SEC61A2: variants seen among roughly 807,000 people sequenced by gnomAD.
SEC61A2 encodes the protein protein transport protein Sec61 subunit alpha isoform 2.
SEC61A2 carries 28 observed loss-of-function variants against 59.9 expected under a neutral mutation model. The ratio of observed to expected loss-of-function variants is 0.47; its 90% CI spans 0.35 to 0.64. The LOEUF is 0.64. Ranked by LOEUF, SEC61A2 falls within the 30% of genes least tolerant of loss-of-function variation. The pLI is 0.01. For synonymous variants in SEC61A2, 202 were observed against 214.4 expected, an observed-to-expected ratio of 0.94 and a Z score of 0.50; for missense variants, 340 against 585.9, an observed-to-expected ratio of 0.58 and a Z score of 4.33.
chr10:12,151,025 T>G (rs561394491), intron 6 of SEC61A2, among the ~76,000 whole-genome samples: 1 of 151,816 alleles, frequency 6.6e-6, no homozygotes, highest in Non-Finnish European at 1.5e-5. Context: ...TTCGCCCGCC[T>G]CGGCCTCCCA....
At chr10:12,146,994 G>T (rs1454412352) in intron 4 of SEC61A2, among the ~76,000 whole-genome samples, 1 of 152,092 alleles carries the variant, frequency 6.6e-6, no homozygotes, top group Non-Finnish European at 1.5e-5. Context: ...TGGGCCAAGT[G>T]ATACTCCTGC....
rs1179271715 is a variant in SEC61A2 at position 12,156,383 on chromosome 10, C to T, written c.616+452C>T. Among the ~76,000 whole-genome samples, 1 of 152,200 alleles carries T rather than the reference C, an allele frequency of 6.6e-6. No homozygotes were observed. The highest frequency in any genetic ancestry group is 1.5e-5 in the Non-Finnish European group (1 of 68,026). ...CACCAAAGTTTTGAAATATTTCATT[C>T]TCTCTTTCCCCTTCCTCATCTCCAC... On this transcript the variant is annotated intron_variant, in intron 7 of 11. Coordinates refer to ENST00000298428, the MANE Select transcript of SEC61A2 (RefSeq NM_018144.4). The surrounding 1 kb of genome is among the most constrained non-coding windows in gnomAD (Gnocchi z 5.2).
At chr10:12,144,118 C>T (rs989429526) in intron 4 of SEC61A2, among the ~76,000 whole-genome samples, 10 of 152,082 alleles carry the variant, frequency 6.6e-5, no homozygotes, top group African/African-American at 2.4e-4. Context: ...CTGCACCCAG[C>T]CTGGACATAC....
At position 12,138,293 on chromosome 10, in the gene SEC61A2, G is replaced by GA. The variant is rs540544173; in HGVS notation, c.141+2131dup. 7.9e-5 allele frequency among the ~76,000 whole-genome samples: 12 copies of GA among 150,982 alleles called. No homozygotes were observed. In the East Asian group the frequency reaches 2.3e-3, roughly 29 times the overall value. The stretch of plus-strand genomic sequence containing the variant: ...TTAAAGAAACAAAGAAAAATACAAA[G>GA]AAAAAAAAGAATAGTCATCCATATT... On this transcript the variant is annotated intron_variant, in intron 3 of 11. Transcript: ENST00000298428.
chr10:12,138,123 T>G (rs1475892176), intron 3 of SEC61A2, among the ~76,000 whole-genome samples: 1 of 152,152 alleles, frequency 6.6e-6, no homozygotes, highest in Admixed American at 6.6e-5. Flanking sequence ...AAAATTATAT[T>G]AGGAAGCAGT....
At position 12,152,339 on chromosome 10, in the gene SEC61A2, C is replaced by G. The variant is rs901817524; in HGVS notation, c.462+2378C>G. Among the ~76,000 whole-genome samples, 1 of 152,098 alleles carries G rather than the reference C, an allele frequency of 6.6e-6. No individual in the cohort carries two copies. Among genetic ancestry groups the G allele is most frequent in the Non-Finnish European group, 1.5e-5 (1 of 68,004 alleles). On this transcript the variant is annotated intron_variant, in intron 6 of 11. Coordinates refer to ENST00000298428, the MANE Select transcript of SEC61A2 (RefSeq NM_018144.4). This position sits in a 1 kb window ranked among gnomAD's most constrained non-coding sequence, Gnocchi z 5.5. ...AGGTGATCCACCCGCCTCGGCCTTCCAAAATGCTGGGATTACAGGCGTGAG... is the reference window on the plus strand; with the variant it reads ...AGGTGATCCACCCGCCTCGGCCTTCGAAAATGCTGGGATTACAGGCGTGAG...
At chr10:12,167,903 T>C, downstream of SEC61A2, 1 of 1,558,672 alleles carries the variant, frequency 6.4e-7, no homozygotes. Context: ...GGTACTACTA[T>C]ATGTCACTTC....
Position 12,148,908 on chromosome 10 carries a change from C to T in SEC61A2, c.221-687C>T, listed in dbSNP as rs151148710. Among the ~76,000 whole-genome samples, 890 of 152,132 alleles carry T rather than the reference C, an allele frequency of 5.9e-3. 10 individuals are homozygous for T. The highest frequency in any genetic ancestry group is 0.02 in the African/African-American group (838 of 41,482). ...AGTATCTGAGACGACATCAAAAATCCCCCGTAAGGTGGACTATTTTCTCAT... is the reference window on the plus strand; with the variant it reads ...AGTATCTGAGACGACATCAAAAATCTCCCGTAAGGTGGACTATTTTCTCAT... On this transcript the variant is annotated intron_variant, in intron 4 of 11. Coordinates refer to ENST00000298428, the MANE Select transcript of SEC61A2 (RefSeq NM_018144.4).
Position 12,145,250 on chromosome 10 carries a change from T to C in SEC61A2, c.220+2055T>C, listed in dbSNP as rs1311507527. Among the ~76,000 whole-genome samples, 8 of 152,052 alleles carry C rather than the reference T, an allele frequency of 5.3e-5. No homozygotes were observed. The highest frequency in any genetic ancestry group is 7.4e-5 in the Non-Finnish European group (5 of 67,976). ...TTTCTTGTCATATATTACGTTTTTTTCCCCCCGATTTTATATCATTATAAA... is the reference window on the plus strand; with the variant it reads ...TTTCTTGTCATATATTACGTTTTTTCCCCCCCGATTTTATATCATTATAAA... On this transcript the variant is annotated intron_variant, in intron 4 of 11. Coordinates refer to ENST00000298428, the MANE Select transcript of SEC61A2 (RefSeq NM_018144.4). This position sits in a 1 kb window ranked among gnomAD's most constrained non-coding sequence, Gnocchi z 4.4.
Position 12,156,873 on chromosome 10 carries a change from G to A in SEC61A2, c.617-34G>A, listed in dbSNP as rs200085210. On this transcript the variant is annotated intron_variant, in intron 7 of 11. Coordinates refer to ENST00000298428, the MANE Select transcript of SEC61A2 (RefSeq NM_018144.4). The surrounding 1 kb of genome is among the most constrained non-coding windows in gnomAD (Gnocchi z 5.2). ...GAGCTTTGGGACAGCTTTGGACGAT[G>A]AGTCCACAGGTCGTGTCTGTCTTGA... 4 of 1,603,512 alleles carry A rather than the reference G, an allele frequency of 2.5e-6. No individual in the cohort carries two copies. In the East Asian group the frequency reaches 6.7e-5, roughly 27 times the overall value.
In SEC61A2 at chr10:12,152,904, C is replaced by T. The variant is rs555102462; in HGVS notation, c.463-2874C>T. On this transcript the variant is annotated intron_variant, in intron 6 of 11. Coordinates refer to ENST00000298428, the MANE Select transcript of SEC61A2 (RefSeq NM_018144.4). This position sits in a 1 kb window ranked among gnomAD's most constrained non-coding sequence, Gnocchi z 5.5. ...CAAAAACTAAAACAAAATAAAACGACAAAAATTAGCCAGGCGTGGCGGTGT... is the reference window on the plus strand; with the variant it reads ...CAAAAACTAAAACAAAATAAAACGATAAAAATTAGCCAGGCGTGGCGGTGT... 4.0e-5 allele frequency among the ~76,000 whole-genome samples: 6 copies of T among 151,612 alleles called. No homozygotes were observed. Among genetic ancestry groups the T allele is most frequent in the Non-Finnish European group, 7.4e-5 (5 of 67,854 alleles).
rs1443580082 is a variant in SEC61A2 at position 12,158,709 on chromosome 10, G to A, written c.975+604G>A. ...CACGCCACTGCACTCCAGCCTGGGC[G>A]ACAGAACGAGACTCCGTCTCCAAAA... is the stretch of plus-strand genomic sequence containing the variant. On this transcript the variant is annotated intron_variant, in intron 9 of 11. Coordinates refer to ENST00000298428, the MANE Select transcript of SEC61A2 (RefSeq NM_018144.4). This position sits in a 1 kb window ranked among gnomAD's most constrained non-coding sequence, Gnocchi z 5.7. Among the ~76,000 whole-genome samples the A allele has an allele frequency of 6.6e-6, 1 of 152,070 alleles. No individual in the cohort carries two copies.
intron 4 of SEC61A2, among the ~76,000 whole-genome samples, chr10:12,148,934 A>G (rs1834214102): frequency 6.6e-6 from 1 of 152,230 alleles, no homozygotes; most frequent in Admixed American, 6.5e-5. Flanking sequence ...ATTTTCTCAT[A>G]TGAAGGCCAC....
At chr10:12,133,603 C>G (rs1018924217) in intron 2 of SEC61A2, among the ~76,000 whole-genome samples, 1 of 152,162 alleles carries the variant, frequency 6.6e-6, no homozygotes, top group Non-Finnish European at 1.5e-5. Context: ...TGTAGTGATC[C>G]TTTATAAATC....
downstream of SEC61A2, among the ~76,000 whole-genome samples, chr10:12,168,742 T>C (rs1564420795): frequency 6.6e-6 from 1 of 152,154 alleles, no homozygotes; most frequent in Non-Finnish European, 1.5e-5. The surrounding 1 kb of genome is among the most constrained non-coding windows in gnomAD (Gnocchi z 4.8). Flanking sequence ...CTACTCTTTG[T>C]AGCAAACTGA....
chr10:12,140,277 C>T (rs1396659523), intron 3 of SEC61A2, among the ~76,000 whole-genome samples: 1 of 152,138 alleles, frequency 6.6e-6, no homozygotes, highest in Admixed American at 6.6e-5. Flanking sequence ...GAAACAACCA[C>T]AGGCTAATGG....
chr10:12,148,828 AATCT>A (rs930269636), intron 4 of SEC61A2, among the ~76,000 whole-genome samples: 2 of 151,644 alleles, frequency 1.3e-5, no homozygotes, highest in Non-Finnish European at 2.9e-5. Flanking sequence ...CTGGCCAATA[AATCT>A]ATCTAATGTC....
intron 3 of SEC61A2, among the ~76,000 whole-genome samples, chr10:12,137,514 A>G (rs1249073155): frequency 6.6e-6 from 1 of 152,086 alleles, no homozygotes; most frequent in Non-Finnish European, 1.5e-5. Flanking sequence ...CATGTTGCCC[A>G]GGCTGGTCTC....
At chr10:12,169,328 A>C, downstream of SEC61A2, 1 of 1,550,978 alleles carries the variant, frequency 6.4e-7, no homozygotes, top group Non-Finnish European at 8.7e-7. This position sits in a 1 kb window ranked among gnomAD's most constrained non-coding sequence, Gnocchi z 4.8. Flanking sequence ...CTTCTACTAA[A>C]AGATAACCCC....
Sources: allele counts gnomAD v4.1 joint callset (sites outside exome capture counted in the v4.1 genomes callset), GRCh38; gene constraint gnomAD v4.1.1; non-coding constraint Gnocchi (gnomAD v3.1); transcripts MANE v1.5; gene names NCBI Gene and HGNC (gene_info 2026-07-23, HGNC 2026-07-21).